GRID2: variants seen among roughly 807,000 people sequenced by gnomAD.
GRID2 encodes the protein glutamate receptor ionotropic, delta-2.
A neutral mutation model predicts 114.8 loss-of-function variants in GRID2; 33 were observed. The ratio of observed to expected loss-of-function variants is 0.29; its 90% CI spans 0.22 to 0.38. The LOEUF (loss-of-function observed/expected upper bound fraction) is 0.38, where lower values mean the gene tolerates loss of function less well. Among genes scored for constraint, GRID2 ranks in the 10% least tolerant of loss-of-function variants. The probability of loss-of-function intolerance (pLI) is 1.00; values close to 1 mark genes in which losing one functional copy is unlikely to be tolerated. For synonymous variants in GRID2, 505 were observed against 449.9 expected (o/e 1.12, Z -1.55); for missense variants, 1,184 against 1,257.7 (o/e 0.94, Z 0.89).
chr4:93,591,629 T>C (rs1470246131), intron 13 of GRID2, among the ~76,000 whole-genome samples: 1 of 151,934 alleles, frequency 6.6e-6, no homozygotes, highest in Non-Finnish European at 1.5e-5. Context: ...TCAGAAGGAA[T>C]GGTACCAGTT....
intron 4 of GRID2, among the ~76,000 whole-genome samples, chr4:93,197,969 A>C (rs568892439): frequency 2.6e-5 from 4 of 152,244 alleles, no homozygotes; most frequent in Admixed American, 2.0e-4. Context: ...TTAATTTTTT[A>C]ATTAAAATTT....
chr4:93,463,283 G>A (rs1723927394), intron 11 of GRID2, among the ~76,000 whole-genome samples: 1 of 152,126 alleles, frequency 6.6e-6, no homozygotes, highest in African/African-American at 2.4e-5. Context: ...AGAAAACAGT[G>A]CCATGATTTT....
chr4:92,363,578 A>G (rs1373839183), intron 1 of GRID2, among the ~76,000 whole-genome samples: 1 of 151,950 alleles, frequency 6.6e-6, no homozygotes, highest in Non-Finnish European at 1.5e-5. Flanking sequence ...ATAACACACA[A>G]TTTACGGTGA....
chr4:93,547,361 G>T (rs1162530834), intron 13 of GRID2, among the ~76,000 whole-genome samples: 1 of 152,142 alleles, frequency 6.6e-6, no homozygotes, highest in Admixed American at 6.6e-5. Context: ...ACTCAAAGGT[G>T]TTTTTAACTT....
chr4:93,573,776 A>C (rs1736151596), intron 13 of GRID2, among the ~76,000 whole-genome samples: 1 of 152,164 alleles, frequency 6.6e-6, no homozygotes, highest in African/African-American at 2.4e-5. Flanking sequence ...GGAGCTTTGC[A>C]ACCTTCATGT....
At chr4:93,493,531 T>C (rs940283938) in intron 12 of GRID2, among the ~76,000 whole-genome samples, 2 of 144,144 alleles carry the variant, frequency 1.4e-5, no homozygotes, top group African/African-American at 5.2e-5. Context: ...GCCTTACCTG[T>C]CAAATTCTTT....
chr4:93,287,155 A>T (rs1753267154), intron 8 of GRID2, among the ~76,000 whole-genome samples: 1 of 152,182 alleles, frequency 6.6e-6, no homozygotes, highest in African/African-American at 2.4e-5. Context: ...TTAGCCACCA[A>T]GTAATTGATT....
At chr4:93,348,788 CAAAT>C (rs1187678264) in intron 8 of GRID2, among the ~76,000 whole-genome samples, 2 of 152,074 alleles carry the variant, frequency 1.3e-5, no homozygotes, top group African/African-American at 2.4e-5. Flanking sequence ...GGAAAACAAT[CAAAT>C]AAAATATAAA....
intron 1 of GRID2, among the ~76,000 whole-genome samples, chr4:92,527,398 G>T (rs1725096526): frequency 6.6e-6 from 1 of 152,042 alleles, no homozygotes; most frequent in African/African-American, 2.4e-5. Context: ...AAATGATAAT[G>T]GTCTGCCATT....
chr4:92,540,074 G>C (rs1178289070), intron 1 of GRID2, among the ~76,000 whole-genome samples: 1 of 152,060 alleles, frequency 6.6e-6, no homozygotes, highest in Non-Finnish European at 1.5e-5. Flanking sequence ...AAATAGTGCT[G>C]GGAAAACTGG....
chr4:93,094,928 A>G (rs1027471099), intron 3 of GRID2, among the ~76,000 whole-genome samples: 1 of 152,064 alleles, frequency 6.6e-6, no homozygotes, highest in African/African-American at 2.4e-5. Context: ...TTGGTATTTG[A>G]AAAAAGAAAA....
intron 1 of GRID2, among the ~76,000 whole-genome samples, chr4:92,327,692 CAT>C (rs1187220201): frequency 6.6e-6 from 1 of 151,934 alleles, no homozygotes; most frequent in Non-Finnish European, 1.5e-5. Flanking sequence ...TATAGTTTCA[CAT>C]TTTTAAAAAA....
intron 2 of GRID2, among the ~76,000 whole-genome samples, chr4:93,066,968 A>C (rs1043927792): frequency 6.6e-6 from 1 of 152,032 alleles, no homozygotes; most frequent in Non-Finnish European, 1.5e-5. Flanking sequence ...CCTGGGAGGG[A>C]AGAAGCAGCA....
chr4:93,092,834 A>G (rs1224148325), intron 3 of GRID2, among the ~76,000 whole-genome samples: 1 of 151,960 alleles, frequency 6.6e-6, no homozygotes, highest in East Asian at 1.9e-4. Context: ...GTATATATAC[A>G]TATATACATA....
chr4:92,873,553 A>G (rs1385509546), intron 2 of GRID2, among the ~76,000 whole-genome samples: 2 of 152,192 alleles, frequency 1.3e-5, no homozygotes, highest in African/African-American at 4.8e-5. Context: ...TTAGATAAAT[A>G]AAAGATAAAA....
chr4:92,451,978 T>A (rs1327464834), intron 1 of GRID2, among the ~76,000 whole-genome samples: 1 of 152,216 alleles, frequency 6.6e-6, no homozygotes, highest in Non-Finnish European at 1.5e-5. Context: ...ACCATGTTTT[T>A]CTATGAATGT....
At chr4:93,538,944 C>T (rs938854990) in intron 13 of GRID2, among the ~76,000 whole-genome samples, 8 of 151,338 alleles carry the variant, frequency 5.3e-5, no homozygotes, top group African/African-American at 1.9e-4. Context: ...TAGTAATGTC[C>T]CATTGATGGT....
At chr4:93,033,886 A>T (rs1222669007) in intron 2 of GRID2, among the ~76,000 whole-genome samples, 1 of 152,110 alleles carries the variant, frequency 6.6e-6, no homozygotes, top group Non-Finnish European at 1.5e-5. Flanking sequence ...CTTACCAAAC[A>T]GTTTGGGGCC....
At chr4:92,645,425 T>C (rs1162291286) in intron 2 of GRID2, among the ~76,000 whole-genome samples, 1 of 151,808 alleles carries the variant, frequency 6.6e-6, no homozygotes, top group African/African-American at 2.4e-5. Context: ...TGACTTTGTT[T>C]TGGTTTCATT....
Sources: gnomAD v4.1 joint callset for allele counts (sites outside exome capture counted in the v4.1 genomes callset) on GRCh38, gnomAD v4.1.1 for gene constraint, MANE v1.5 for transcripts, NCBI Gene and HGNC (gene_info 2026-07-23, HGNC 2026-07-21) for gene names.